Variants in AUTS2 observed in about 807,000 individuals in gnomAD.
AUTS2 encodes autism susceptibility gene 2 protein.
In AUTS2, 17 loss-of-function variants were observed where a neutral mutation model predicts 112.4. The observed-to-expected ratio is 0.15, with a 90% CI of 0.10 to 0.23. The LOEUF is 0.23. Among genes scored for constraint, AUTS2 ranks in the 10% least tolerant of loss-of-function variants. The pLI is 1.00. For missense variants in AUTS2, 1,510 were observed against 1,701.6 expected, an observed-to-expected ratio of 0.89 and a Z score of 1.98; for synonymous variants, 751 against 702.7, an observed-to-expected ratio of 1.07 and a Z score of -1.09.
chr7:70,127,455 T>G (rs984079617), intron 3 of AUTS2, among the ~76,000 whole-genome samples: 1 of 152,182 alleles, frequency 6.6e-6, no homozygotes, highest in Non-Finnish European at 1.5e-5. Flanking sequence ...TTCTGTTCTT[T>G]TTTCTTTCTT....
chr7:70,149,791 A>T (rs1404834599), intron 4 of AUTS2, among the ~76,000 whole-genome samples: 1 of 152,110 alleles, frequency 6.6e-6, no homozygotes, highest in African/African-American at 2.4e-5. Context: ...GAGGTTTCAA[A>T]TTACTTAAAA....
chr7:69,638,546 C>G (rs959788436), intron 1 of AUTS2, among the ~76,000 whole-genome samples: 1 of 152,198 alleles, frequency 6.6e-6, no homozygotes, highest in African/African-American at 2.4e-5. Context: ...CACAATTTCC[C>G]TAACTCCTCT....
chr7:70,772,059 G>A (rs1381430005), intron 11 of AUTS2, among the ~76,000 whole-genome samples: 2 of 152,152 alleles, frequency 1.3e-5, no homozygotes, highest in African/African-American at 2.4e-5. Context: ...GTAGAAGTGG[G>A]GATAAAGGTT....
chr7:69,876,507 T>TAAA (rs1793800378), intron 1 of AUTS2, among the ~76,000 whole-genome samples: 1 of 18,916 alleles, frequency 5.3e-5, no homozygotes, highest in African/African-American at 3.5e-4. Context: ...TATATATATA[T>TAAA]ATATATATAT....
intron 6 of AUTS2, among the ~76,000 whole-genome samples, chr7:70,756,141 C>T (rs754191615): frequency 7.9e-5 from 12 of 152,122 alleles, no homozygotes; most frequent in African/African-American, 2.4e-4. Flanking sequence ...CATTTACACA[C>T]GTAGTTTTCA....
chr7:70,569,565 C>T (rs1318045280), intron 5 of AUTS2, among the ~76,000 whole-genome samples: 4 of 152,216 alleles, frequency 2.6e-5, no homozygotes, highest in African/African-American at 9.6e-5. Flanking sequence ...TCAGCACAGT[C>T]AGTTTTGACA....
intron 1 of AUTS2, among the ~76,000 whole-genome samples, chr7:69,649,893 GA>G (rs907541762): frequency 2.6e-5 from 4 of 152,168 alleles, no homozygotes; most frequent in Non-Finnish European, 4.4e-5. Flanking sequence ...GAAGGAGGAA[GA>G]AAAGAGAACA....
chr7:70,254,452 G>T (rs1786754654), intron 4 of AUTS2, among the ~76,000 whole-genome samples: 3 of 151,966 alleles, frequency 2.0e-5, no homozygotes, highest in Non-Finnish European at 4.4e-5. Flanking sequence ...CAGGTGCTCT[G>T]TAACCTGATC....
At chr7:69,714,921 T>A (rs940944755) in intron 1 of AUTS2, among the ~76,000 whole-genome samples, 5 of 152,060 alleles carry the variant, frequency 3.3e-5, no homozygotes, top group African/African-American at 7.2e-5. Context: ...ATATATATAT[T>A]ATGTTTACTC....
intron 6 of AUTS2, among the ~76,000 whole-genome samples, chr7:70,731,373 G>A (rs1330007149): frequency 1.4e-5 from 2 of 144,218 alleles, no homozygotes; most frequent in Admixed American, 1.4e-4. Flanking sequence ...TAGGAAGGTT[G>A]CAAGAATAAG....
intron 2 of AUTS2, among the ~76,000 whole-genome samples, chr7:69,941,262 G>A (rs1562983453): frequency 6.6e-6 from 1 of 151,880 alleles, no homozygotes; most frequent in East Asian, 1.9e-4. Context: ...CAGCAGCACT[G>A]CACAACAGTG....
At chr7:69,690,456 G>A (rs961739387) in intron 1 of AUTS2, among the ~76,000 whole-genome samples, 2 of 152,142 alleles carry the variant, frequency 1.3e-5, no homozygotes, top group South Asian at 2.1e-4. Context: ...TTTTGCTGCC[G>A]GCCTGAATCC....
At chr7:70,404,920 G>T (rs201941406) in intron 4 of AUTS2, among the ~76,000 whole-genome samples, 1 of 147,724 alleles carries the variant, frequency 6.8e-6, no homozygotes, top group Admixed American at 7.2e-5. Context: ...GTTAGAAACC[G>T]GGGCAAAAGT....
At chr7:70,759,820 C>T (rs978450968) in intron 6 of AUTS2, among the ~76,000 whole-genome samples, 1 of 152,098 alleles carries the variant, frequency 6.6e-6, no homozygotes, top group African/African-American at 2.4e-5. Flanking sequence ...ATCTGTAGTA[C>T]TTCCTTATGT....
At chr7:70,426,160 G>A (rs562490807) in intron 4 of AUTS2, among the ~76,000 whole-genome samples, 16 of 152,302 alleles carry the variant, frequency 1.1e-4, no homozygotes, top group Non-Finnish European at 1.8e-4. Flanking sequence ...CTTTTCAAGA[G>A]CTGTTGGCAT....
At chr7:70,122,656 A>G (rs1805744011) in intron 3 of AUTS2, among the ~76,000 whole-genome samples, 1 of 152,186 alleles carries the variant, frequency 6.6e-6, no homozygotes, top group Non-Finnish European at 1.5e-5. Flanking sequence ...ATTTGTGGGC[A>G]TATAGTAGGC....
chr7:70,139,063 C>T (rs954606773), intron 4 of AUTS2, among the ~76,000 whole-genome samples: 2 of 152,120 alleles, frequency 1.3e-5, no homozygotes, highest in African/African-American at 4.8e-5. Context: ...CCTTTCTGGG[C>T]TCGGGTGATC....
chr7:69,881,212 A>C (rs971267516), intron 1 of AUTS2, among the ~76,000 whole-genome samples: 4 of 152,178 alleles, frequency 2.6e-5, no homozygotes, highest in African/African-American at 9.7e-5. Flanking sequence ...AGAGCACATA[A>C]AGTTGCCTCC....
intron 4 of AUTS2, among the ~76,000 whole-genome samples, chr7:70,312,049 A>G (rs6954837): frequency 0.34 from 51,919 of 151,942 alleles, 10,274 homozygotes; most frequent in African/African-American, 0.55. Flanking sequence ...AATAGAGATG[A>G]AGTTTCACCA....
Sources: gnomAD v4.1 joint callset for allele counts (sites outside exome capture counted in the v4.1 genomes callset) on GRCh38, gnomAD v4.1.1 for gene constraint, MANE v1.5 for transcripts, NCBI Gene and HGNC (gene_info 2026-07-23, HGNC 2026-07-21) for gene names.